DZIP1L: variants seen among roughly 807,000 people sequenced by gnomAD.
DZIP1L encodes the protein cilium assembly protein DZIP1L.
In DZIP1L, 90 loss-of-function variants were observed where a neutral mutation model predicts 88.7. The observed-to-expected ratio is 1.02, with a 90% CI of 0.86 to 1.21. The LOEUF (loss-of-function observed/expected upper bound fraction) is 1.21. Among genes scored for constraint, DZIP1L ranks in the 50% most tolerant of loss-of-function variants. The pLI, the probability that DZIP1L is intolerant of heterozygous loss-of-function variation, is 0.00. For missense variants in DZIP1L, 932 were observed against 955.8 expected, an observed-to-expected ratio of 0.98 and a Z score of 0.33; for synonymous variants, 363 against 372.1, an observed-to-expected ratio of 0.98 and a Z score of 0.28.
intron 12 of DZIP1L, among the ~76,000 whole-genome samples, chr3:138,068,684 C>G (rs773482794): frequency 1.3e-5 from 2 of 152,112 alleles, no homozygotes; most frequent in African/African-American, 2.4e-5. Flanking sequence ...TGGACTTCAC[C>G]AAGGCTGCTA....
intron 1 of DZIP1L, among the ~76,000 whole-genome samples, chr3:138,110,237 T>A (rs2042595895): frequency 1.3e-5 from 2 of 151,554 alleles, no homozygotes; most frequent in African/African-American, 4.9e-5. Context: ...CACTCATAGG[T>A]GGGAATTGAA....
At chr3:138,103,174 A>C (rs1576498755) in intron 2 of DZIP1L, among the ~76,000 whole-genome samples, 1 of 150,974 alleles carries the variant, frequency 6.6e-6, no homozygotes, top group Admixed American at 6.6e-5. Context: ...AAACACACAC[A>C]CTCGCCATAC....
intron 5 of DZIP1L, 35 bp from the exon 6 acceptor site, chr3:138,088,542 A>ATAAATCTAT: frequency 6.2e-7 from 1 of 1,605,194 alleles, no homozygotes; most frequent in Non-Finnish European, 8.5e-7. Context: ...ATTCAGATGA[A>ATAAATCTAT]GATCTCATCA....
chr3:138,087,329 CA>C lies in DZIP1L; in HGVS notation c.1000-307del, dbSNP rs568392275. On this transcript the variant is annotated intron_variant, in intron 6 of 15. Transcript: ENST00000327532. ...AAAGATTTAACACAAAAAATAAGGC[CA>C]AAAAGTACTAAAAGAAAACACAGGA... 3.0e-4 allele frequency among the ~76,000 whole-genome samples: 46 copies of C among 152,132 alleles called. No homozygotes were observed. The South Asian group carries it at 9.1e-3, about 30-fold the overall frequency.
At chr3:138,072,856 C>G (rs569412694) in intron 11 of DZIP1L, among the ~76,000 whole-genome samples, 1 of 152,146 alleles carries the variant, frequency 6.6e-6, no homozygotes, top group Admixed American at 6.5e-5. Flanking sequence ...ACTTTAGGAC[C>G]GCAGGCTGCG....
intron 12 of DZIP1L, chr3:138,068,975 T>C: frequency 8.6e-6 from 11 of 1,276,194 alleles, no homozygotes; most frequent in Non-Finnish European, 1.1e-5. Flanking sequence ...GTCAGACATG[T>C]GTGGATTGGG....
In DZIP1L at chr3:138,103,838, C is replaced by T. The variant is rs759170608; in HGVS notation, c.134G>A (p.Arg45His). ...WRRISTLDVD[R>H]VARELDVATL... ...GGCCACATCCAGTTCCCGGGCCACG[C>T]GGTCTACATCCAGGGTGCTAATGCG... is the stretch of plus-strand genomic sequence containing the variant. The change falls in exon 2 of 16, where the codon CGC becomes CAC. Residue 45 changes from arginine (R) to histidine (H), a missense_variant. Coordinates refer to ENST00000327532, the MANE Select transcript of DZIP1L (RefSeq NM_173543.3). 4.7e-5 allele frequency: 76 copies of T among 1,614,034 alleles called. No individual in the cohort carries two copies. The highest frequency in any genetic ancestry group is 6.0e-5 in the Non-Finnish European group (71 of 1,180,058).
In DZIP1L at chr3:138,062,443, C is replaced by A. The variant is rs1942744699; in HGVS notation, c.*373G>T. 2 of 179,256 alleles carry A rather than the reference C, an allele frequency of 1.1e-5. No homozygotes were observed. Among genetic ancestry groups the A allele is most frequent in the South Asian group, 1.5e-4 (1 of 6,826 alleles). 11.1% of individuals were successfully genotyped at this position (179,256 alleles called of 1,614,324 possible). On this transcript the variant is annotated 3_prime_UTR_variant, in exon 16 of 16. Coordinates refer to ENST00000327532, the MANE Select transcript of DZIP1L (RefSeq NM_173543.3). ...ACTGAGGCATATGTCCCCAAAAGGA[C>A]CCCAGATAGGAACCATCTCCACAGT...
intron 5 of DZIP1L, among the ~76,000 whole-genome samples, chr3:138,092,151 A>G (rs1449282038): frequency 2.0e-5 from 1 of 50,378 alleles, no homozygotes; most frequent in Non-Finnish European, 4.0e-5. Flanking sequence ...AATAAAACTG[A>G]GGCATGAGGA....
Position 138,114,139 on chromosome 3 carries a change from A to G in DZIP1L, c.-82+1189T>C, listed in dbSNP as rs571705396. On this transcript the variant is annotated intron_variant, in intron 1 of 15. Transcript: ENST00000327532. The stretch of plus-strand genomic sequence containing the variant: ...CTAAGCCAGAACTACTAGAGCTGCC[A>G]GGCCTAGGGACAGGAGACATTGCCA... Among the ~76,000 whole-genome samples, 140 of 152,370 alleles carry G rather than the reference A, an allele frequency of 9.2e-4. 1 individual carries two copies. Among genetic ancestry groups the G allele is most frequent in the Middle Eastern group, 3.4e-3 (1 of 294 alleles).
chr3:138,101,102 C>T (rs558487859), intron 2 of DZIP1L, among the ~76,000 whole-genome samples: 7 of 152,216 alleles, frequency 4.6e-5, no homozygotes, highest in Admixed American at 3.9e-4. Flanking sequence ...TCTATAAATA[C>T]ACCCTTAGAC....
Position 138,063,994 on chromosome 3 carries a change from A to T in DZIP1L, c.2142+634T>A, listed in dbSNP as rs1299909074. ...TCTAAAGTTTTCTGCTTGAAAAATA[A>T]CAGCAGTGTGCAAGTTGTTCCCTGA... is the stretch of plus-strand genomic sequence containing the variant. On this transcript the variant is annotated intron_variant, in intron 15 of 15. Coordinates refer to ENST00000327532, the MANE Select transcript of DZIP1L (RefSeq NM_173543.3). The surrounding 1 kb of genome is among the most constrained non-coding windows in gnomAD (Gnocchi z 4.1). Among the ~76,000 whole-genome samples the T allele has an allele frequency of 6.6e-6, 1 of 152,226 alleles. No individual in the cohort carries two copies. Among genetic ancestry groups the T allele is most frequent in the Non-Finnish European group, 1.5e-5 (1 of 68,042 alleles).
Position 138,092,473 on chromosome 3 carries a change from C to G in DZIP1L, c.780G>C (p.Trp260Cys). ...TATCTATTTCCCCATAAAGTTTGGT[C>G]CACTCTTGCTCTTTCCATTTATCAA... ...KEFDKWKEQEWTKLYGEIDKL... is the reference protein window; with the variant it reads ...KEFDKWKEQECTKLYGEIDKL... Residue 260 changes from tryptophan (W) to cysteine (C), a missense_variant, in exon 5 of 16, where the codon TGG becomes TGC. Transcript: ENST00000327532. 1 of 1,606,962 alleles carries G rather than the reference C, an allele frequency of 6.2e-7. No homozygotes were observed. The highest frequency in any genetic ancestry group is 8.5e-7 in the Non-Finnish European group (1 of 1,177,538).
chr3:138,102,192 G>A (rs1411705512), intron 2 of DZIP1L: 206 of 1,363,268 alleles, frequency 1.5e-4, no homozygotes, highest in Admixed American at 5.0e-4. Context: ...CACCACAGGC[G>A]TGTCCGAGAT....
At chr3:138,099,060 C>G (rs1337563278) in intron 2 of DZIP1L, among the ~76,000 whole-genome samples, 1 of 152,178 alleles carries the variant, frequency 6.6e-6, no homozygotes, top group Non-Finnish European at 1.5e-5. Context: ...TCACCTGAGC[C>G]TGGGAGGTTA....
In DZIP1L at chr3:138,103,821, C is replaced by T. The variant is rs780612273; in HGVS notation, c.151G>A (p.Asp51Asn). ...LDVDRVAREL[D>N]VATLQENIAG... The stretch of plus-strand genomic sequence containing the variant: ...ATATTCTCCTGCAGAGTGGCCACAT[C>T]CAGTTCCCGGGCCACGCGGTCTACA... Residue 51 changes from aspartate to asparagine, a missense_variant, in exon 2 of 16, where the codon GAT becomes AAT. Asp to Asn is a conservative substitution (Grantham distance 23). Transcript: ENST00000327532. 1 of 1,614,212 alleles carries T rather than the reference C, an allele frequency of 6.2e-7. No individual in the cohort carries two copies. The highest frequency in any genetic ancestry group is 1.7e-5 in the Admixed American group (1 of 60,038).
chr3:138,088,409 A>G lies in DZIP1L; in HGVS notation c.969T>C (p.Leu323=). The G allele has an allele frequency of 6.2e-7, 1 of 1,613,472 alleles. No homozygotes were observed. Among genetic ancestry groups the G allele is most frequent in the Non-Finnish European group, 8.5e-7 (1 of 1,179,704 alleles). Residue 323 remains leucine (L), a synonymous_variant, in exon 6 of 16, where the codon CTT becomes CTC. Coordinates refer to ENST00000327532, the MANE Select transcript of DZIP1L (RefSeq NM_173543.3). ...TTTCTGTCTTCTCTCTCAGGGCCTG[A>G]AGCTCCCGTGCCTGCCGAAGCCACT... ...SEEWLRQARE[L]QALREKTEIQ...
intron 15 of DZIP1L, 67 bp downstream of exon 15, chr3:138,064,561 G>A (rs1399552889): frequency 1.5e-5 from 24 of 1,613,546 alleles, no homozygotes; most frequent in Non-Finnish European, 2.0e-5. Context: ...TTCACCCCAG[G>A]CCCCCCAAAC....
intron 6 of DZIP1L, 36 bp from the exon 7 acceptor site, chr3:138,087,059 G>T: frequency 1.9e-6 from 3 of 1,598,178 alleles, no homozygotes; most frequent in Non-Finnish European, 2.6e-6. Context: ...ATGGGCCCTT[G>T]CAGGTATTAA....
Sources: allele counts gnomAD v4.1 joint callset (sites outside exome capture counted in the v4.1 genomes callset), GRCh38; gene constraint gnomAD v4.1.1; non-coding constraint Gnocchi (gnomAD v3.1); transcripts MANE v1.5; gene names NCBI Gene and HGNC (gene_info 2026-07-23, HGNC 2026-07-21).